Variants in CREB1 observed in about 807,000 individuals in gnomAD.
CREB1 encodes the protein cyclic AMP-responsive element-binding protein 1.
CREB1 carries 2 observed loss-of-function variants against 42.0 expected under a neutral mutation model. That is an observed-to-expected ratio of 0.05 (90% CI 0.02 to 0.15). The LOEUF is 0.15. Among genes scored for constraint, CREB1 ranks in the 10% least tolerant of loss-of-function variants. The probability of loss-of-function intolerance (pLI) is 1.00; values close to 1 mark genes in which losing one functional copy is unlikely to be tolerated. For synonymous variants in CREB1, 123 were observed against 139.9 expected (o/e 0.88, Z 0.85); for missense variants, 199 against 388.9 (o/e 0.51, Z 4.11).
At chr2:207,558,640 G>A (rs1416695778) in intron 2 of CREB1, among the ~76,000 whole-genome samples, 1 of 149,398 alleles carries the variant, frequency 6.7e-6, no homozygotes, top group Non-Finnish European at 1.5e-5. Flanking sequence ...TGCCACTAAA[G>A]TGATTTTTTT....
intron 1 of CREB1, among the ~76,000 whole-genome samples, chr2:207,554,965 A>G (rs1305993509): frequency 6.6e-6 from 1 of 152,164 alleles, no homozygotes; most frequent in Non-Finnish European, 1.5e-5. Flanking sequence ...GCTACTCCAG[A>G]GGCTGAGGCG....
chr2:207,532,669 CA>C (rs112234348), intron 1 of CREB1, among the ~76,000 whole-genome samples: 66 of 140,726 alleles, frequency 4.7e-4, no homozygotes, highest in Admixed American at 4.2e-4. Context: ...GACCCCATCT[CA>C]AAAAAAAAAA....
At chr2:207,578,076 C>G (rs1336720285) in intron 7 of CREB1, 1 of 162,768 alleles carries the variant, frequency 6.1e-6, no homozygotes, top group Non-Finnish European at 1.3e-5. Context: ...TGTATGGTGG[C>G]CAGTTCATGT....
At chr2:207,544,265 A>G (rs2081216561) in intron 1 of CREB1, among the ~76,000 whole-genome samples, 1 of 152,190 alleles carries the variant, frequency 6.6e-6, no homozygotes, top group South Asian at 2.1e-4. Context: ...TAGGGTAAAT[A>G]TTCTAGCCAA....
chr2:207,535,570 GT>G (rs1277775327), intron 1 of CREB1, among the ~76,000 whole-genome samples: 1 of 151,824 alleles, frequency 6.6e-6, no homozygotes, highest in African/African-American at 2.4e-5. Flanking sequence ...ATGTAATTAT[GT>G]GAGTTTTATA....
chr2:207,549,151 GTCTAA>G (rs773420566), intron 1 of CREB1, among the ~76,000 whole-genome samples: 33 of 152,326 alleles, frequency 2.2e-4, no homozygotes, highest in South Asian at 4.1e-4. Context: ...AGTGTGATCA[GTCTAA>G]TCTAAAGTTT....
chr2:207,542,763 A>T (rs183240263), intron 1 of CREB1, among the ~76,000 whole-genome samples: 9 of 152,232 alleles, frequency 5.9e-5, no homozygotes, highest in Admixed American at 5.9e-4. Context: ...AATATCTCTG[A>T]TCTCTGTGAA....
rs190117522 is a variant in CREB1 at position 207,563,253 on chromosome 2, T to A, written c.261+2881T>A. On this transcript the variant is annotated intron_variant, in intron 3 of 7. Coordinates refer to ENST00000353267, the MANE Select transcript of CREB1 (RefSeq NM_004379.5). ...TAGAGTAAGTGAGGAGGGAAGTGAT[T>A]GGAGATGCAATTTACAACGTAAGTT... 9.5e-3 allele frequency among the ~76,000 whole-genome samples: 1,441 copies of A among 152,308 alleles called. 21 individuals carry two copies. The highest frequency in any genetic ancestry group is 0.013 in the Non-Finnish European group (852 of 68,020).
At chr2:207,596,330 G>A (rs1231920726) in intron 7 of CREB1, among the ~76,000 whole-genome samples, 1 of 152,118 alleles carries the variant, frequency 6.6e-6, no homozygotes, top group South Asian at 2.1e-4. Context: ...TTATTGATAT[G>A]GATAGAATTT....
At chr2:207,562,595 T>C (rs1473372270) in intron 3 of CREB1, among the ~76,000 whole-genome samples, 2 of 152,180 alleles carry the variant, frequency 1.3e-5, no homozygotes, top group African/African-American at 2.4e-5. Context: ...GTTGGACTTA[T>C]TGAACCCTGG....
At chr2:207,568,452 C>T (rs1006450737) in intron 4 of CREB1, among the ~76,000 whole-genome samples, 1 of 151,962 alleles carries the variant, frequency 6.6e-6, no homozygotes, top group Non-Finnish European at 1.5e-5. Context: ...TAGTATATAA[C>T]ACATTTGATC....
At position 207,555,730 on chromosome 2, in the gene CREB1, A is replaced by G; in HGVS notation, c.95A>G (p.Gln32Arg). Residue 32 changes from glutamine (Q) to arginine (R), a missense_variant, in exon 2 of 8, where the codon CAG becomes CGG. Physicochemically the swap from Gln to Arg is conservative, Grantham distance 43 (BLOSUM62 1). Coordinates refer to ENST00000353267, the MANE Select transcript of CREB1 (RefSeq NM_004379.5). ...NQQMTVQAQP[Q>R]IATLAQVSMP... ...CAAATGACAGTTCAAGCCCAGCCAC[A>G]GATTGCCACATTAGCCCAGGTATAA... 1 of 1,612,270 alleles carries G rather than the reference A, an allele frequency of 6.2e-7. No individual in the cohort carries two copies. Among genetic ancestry groups the G allele is most frequent in the Non-Finnish European group, 8.5e-7 (1 of 1,178,460 alleles).
At chr2:207,542,173 CAGG>C (rs1450871217) in intron 1 of CREB1, among the ~76,000 whole-genome samples, 1 of 152,098 alleles carries the variant, frequency 6.6e-6, no homozygotes, top group African/African-American at 2.4e-5. Flanking sequence ...AGTATATACT[CAGG>C]AATGGAATTT....
At chr2:207,575,529 A>G (rs1243011982) in intron 6 of CREB1, 75 bp downstream of exon 6, 2 of 1,313,866 alleles carry the variant, frequency 1.5e-6, no homozygotes, top group African/African-American at 2.9e-5. Context: ...CAGAAAAAGT[A>G]AGTATCATAT....
intron 4 of CREB1, 126 bp from the exon 5 acceptor site, chr2:207,570,040 CAAAAAAAAAAAAA>C (rs757439012): frequency 1.1e-5 from 2 of 177,834 alleles, no homozygotes; most frequent in Admixed American, 1.1e-4. Flanking sequence ...GACTCCATCT[CAAAAAAAAAAAAA>C]AAAAAAAAAC....
At chr2:207,594,553 C>T (rs1287364588) in intron 7 of CREB1, among the ~76,000 whole-genome samples, 2 of 152,144 alleles carry the variant, frequency 1.3e-5, no homozygotes, top group African/African-American at 4.8e-5. Flanking sequence ...AGAGGGCCTT[C>T]CTAAGGCTGA....
rs532102712 is a variant in CREB1, at chr2:207,599,045, T to C, written c.*1987T>C. 1.1e-5 allele frequency: 2 copies of C among 188,532 alleles called. No individual in the cohort carries two copies. Among genetic ancestry groups the C allele is most frequent in the South Asian group, 3.9e-4 (2 of 5,146 alleles). 11.7% of individuals were successfully genotyped at this position (188,532 alleles called of 1,614,324 possible). On this transcript the variant is annotated 3_prime_UTR_variant, in exon 8 of 8. Transcript: ENST00000353267. ...TTAATTAACATTTGTAAATGGTATATTTTCGTTTGTAACAAACCATTGTCT... is the reference window on the plus strand; with the variant it reads ...TTAATTAACATTTGTAAATGGTATACTTTCGTTTGTAACAAACCATTGTCT...
At chr2:207,595,240 C>T (rs1359559917) in intron 7 of CREB1, among the ~76,000 whole-genome samples, 1 of 151,804 alleles carries the variant, frequency 6.6e-6, no homozygotes, top group African/African-American at 2.4e-5. Flanking sequence ...ATGATCCACC[C>T]GCCTCTGCCT....
chr2:207,598,536 A>G lies in CREB1; in HGVS notation c.*1478A>G, dbSNP rs955854855. 2.8e-5 allele frequency: 5 copies of G among 179,028 alleles called. No homozygotes were observed. Among genetic ancestry groups the G allele is most frequent in the African/African-American group, 4.7e-5 (2 of 42,274 alleles). 11.1% of individuals were successfully genotyped at this position (179,028 alleles called of 1,614,324 possible). ...TGGATTTTAAAAATTGGAAACTGAC[A>G]TAATGTTAGGTTATAATTTCTCATT... On this transcript the variant is annotated 3_prime_UTR_variant, in exon 8 of 8. Transcript: ENST00000353267.
Sources: allele counts gnomAD v4.1 joint callset (sites outside exome capture counted in the v4.1 genomes callset), GRCh38; gene constraint gnomAD v4.1.1; transcripts MANE v1.5; gene names NCBI Gene and HGNC (gene_info 2026-07-23, HGNC 2026-07-21).